The following PROCR variants were observed in gnomAD, a reference collection of about 807,000 sequenced individuals.
PROCR encodes the protein endothelial protein C receptor.
In PROCR, 22 loss-of-function variants were observed where a neutral mutation model predicts 24.2. That is an observed-to-expected ratio of 0.91 (90% CI 0.65 to 1.30). The LOEUF (loss-of-function observed/expected upper bound fraction) is 1.30. Among genes scored for constraint, PROCR ranks in the 50% most tolerant of loss-of-function variants. The pLI is 0.00. For missense variants in PROCR, 288 were observed against 307.7 expected (o/e 0.94, Z 0.48); for synonymous variants, 137 against 139.2 (o/e 0.98, Z 0.11).
intron 1 of PROCR, among the ~76,000 whole-genome samples, chr20:35,214,424 C>T (rs924146656): frequency 6.6e-5 from 10 of 152,124 alleles, no homozygotes; most frequent in Admixed American, 5.2e-4. Flanking sequence ...CGGTGGCTCA[C>T]GCCTGTAATC....
chr20:35,177,911 C>A (rs2086037029), downstream of PROCR, among the ~76,000 whole-genome samples: 1 of 152,134 alleles, frequency 6.6e-6, no homozygotes, highest in South Asian at 2.1e-4. Flanking sequence ...GTTCTGTCTA[C>A]TTTTTTTCAA....
chr20:35,174,888 T>C lies in PROCR; in HGVS notation c.257T>C (p.Leu86Pro), dbSNP rs866390428. 2 of 1,611,346 alleles carry C rather than the reference T, an allele frequency of 1.2e-6. No individual in the cohort carries two copies. The highest frequency in any genetic ancestry group is 2.2e-5 in the East Asian group (1 of 44,800). The change falls in exon 2 of 4, where the codon CTG becomes CCG. Residue 86 changes from leucine (L) to proline (P), a missense_variant. Physicochemically the swap from Leu to Pro is moderately conservative, Grantham distance 98. Transcript: ENST00000216968. The part of the protein sequence containing the change: ...PESWARTQSG[L>P]QSYLLQFHGL... ...AGCTGGGCGCGCACGCAGAGTGGCC[T>C]GCAGTCCTACCTGCTCCAGTTCCAC...
chr20:35,171,475 ATCT>A (rs2085950026), upstream of PROCR, among the ~76,000 whole-genome samples: 1 of 152,148 alleles, frequency 6.6e-6, no homozygotes, highest in South Asian at 2.1e-4. Flanking sequence ...GTAACCAATC[ATCT>A]TCTGAGATTT....
chr20:35,214,582 G>A (rs113604152), intron 1 of PROCR, among the ~76,000 whole-genome samples: 3,863 of 151,444 alleles, frequency 0.026, 155 homozygotes, highest in African/African-American at 0.082. Flanking sequence ...CCAGCTACTC[G>A]GGAGGCTGAG....
chr20:35,180,074 T>C (rs2146150773), downstream of PROCR, among the ~76,000 whole-genome samples: 1 of 152,124 alleles, frequency 6.6e-6, no homozygotes, highest in South Asian at 2.1e-4. Context: ...GGCGAAACCC[T>C]GTCTCTACTA....
Position 35,176,342 on chromosome 20 carries a change from A to C in PROCR, c.497A>C (p.Gln166Pro). The change falls in exon 3 of 4, where the codon CAG (glutamine) becomes CCG (proline). Residue 166 changes from glutamine (Q) to proline (P), a missense_variant. Coordinates refer to ENST00000216968, the MANE Select transcript of PROCR (RefSeq NM_006404.5). Reference protein sequence around the residue: ...VTSGVVTFTLQQLNAYNRTRY... With the variant: ...VTSGVVTFTLPQLNAYNRTRY... ...TCCGGAGTGGTCACCTTCACCCTGC[A>C]GCAGCTCAATGCCTACAACCGCACT... is the stretch of plus-strand genomic sequence containing the variant. The C allele has an allele frequency of 1.9e-6, 3 of 1,614,248 alleles. No individual in the cohort carries two copies. The highest frequency in any genetic ancestry group is 2.5e-6 in the Non-Finnish European group (3 of 1,180,030).
chr20:35,206,460 G>A (rs1488094171), intron 1 of PROCR, among the ~76,000 whole-genome samples: 1 of 119,952 alleles, frequency 8.3e-6, no homozygotes, highest in African/African-American at 3.2e-5. Context: ...GGGCAACAGT[G>A]TGAGACTCTA....
In PROCR at chr20:35,204,124, G is replaced by T. The variant is rs552046907; in HGVS notation, c.95-11769G>T. ...CTTCAGACCCTCCAGATATTAAAAG[G>T]ATAATAAGAGAATATTACAAACAAC... On this transcript the variant is annotated intron_variant, in intron 1 of 1. Coordinates refer to the PROCR transcript ENST00000634509. 3.9e-5 allele frequency among the ~76,000 whole-genome samples: 6 copies of T among 152,166 alleles called. No homozygotes were observed. The East Asian group carries it at 1.2e-3, about 29-fold the overall frequency.
rs1163003662 is a variant in PROCR at position 35,175,880 on chromosome 20, T to A, written c.323-288T>A. Among the ~76,000 whole-genome samples the A allele has an allele frequency of 2.6e-5, 4 of 151,356 alleles. No individual in the cohort carries two copies. The East Asian group carries it at 7.8e-4, about 30-fold the overall frequency. On this transcript the variant is annotated intron_variant, in intron 2 of 3. Coordinates refer to ENST00000216968, the MANE Select transcript of PROCR (RefSeq NM_006404.5). ...GATTACAGGCGTGAGCTGCCGCCCCTGCCCCAGCCTCACCCCCTGTTTTTT... is the reference window on the plus strand; with the variant it reads ...GATTACAGGCGTGAGCTGCCGCCCCAGCCCCAGCCTCACCCCCTGTTTTTT...
intron 1 of PROCR, chr20:35,202,864 T>C (rs939333810): frequency 6.6e-6 from 1 of 152,180 alleles, no homozygotes; most frequent in Non-Finnish European, 1.5e-5. Flanking sequence ...AACGGACATT[T>C]ATAAAACACT....
At chr20:35,176,672 G>A (rs758639715) in intron 3 of PROCR, 26 bp from the exon 4 acceptor site, 3 of 1,590,412 alleles carry the variant, frequency 1.9e-6, no homozygotes, top group Non-Finnish European at 2.6e-6. Flanking sequence ...CCTATTCTTC[G>A]GGCTAACTCT....
In PROCR at chr20:35,177,269, CGAA is replaced by C; in HGVS notation, c.*461_*463del. The stretch of plus-strand genomic sequence containing the variant: ...TATAATAGGGTAGAAAGAAGTAACA[CGAA>C]GAAGTGGTGGAAATGTAAAATCCAA... On this transcript the variant is annotated 3_prime_UTR_variant, in exon 4 of 4. Coordinates refer to ENST00000216968, the MANE Select transcript of PROCR (RefSeq NM_006404.5). 4 of 1,005,744 alleles carry C rather than the reference CGAA, an allele frequency of 4.0e-6. No individual in the cohort carries two copies. The highest frequency in any genetic ancestry group is 4.8e-6 in the Non-Finnish European group (4 of 840,936). The allele number at this position is 1,005,744 out of a possible 1,614,324, so 62.3% of individuals were successfully genotyped here. A position where few individuals can be genotyped will look rare whatever the true frequency, so the allele number is the denominator to read the frequency against.
At chr20:35,177,968 C>T (rs1415775), downstream of PROCR, among the ~76,000 whole-genome samples, 30,728 of 152,028 alleles carry the variant, frequency 0.2, 3,633 homozygotes, top group Non-Finnish European at 0.27. Context: ...GAAATGCTGG[C>T]TTCCTTAGAA....
At chr20:35,173,695 A>G (rs2069944) in intron 1 of PROCR, among the ~76,000 whole-genome samples, 93,561 of 151,726 alleles carry the variant, frequency 0.62, 30,048 homozygotes, top group African/African-American at 0.8. Flanking sequence ...CTCCCAAAGT[A>G]CTGGGATTAC....
At chr20:35,195,978 C>T (rs750412164) in intron 1 of PROCR, among the ~76,000 whole-genome samples, 4 of 150,816 alleles carry the variant, frequency 2.7e-5, no homozygotes, top group Admixed American at 1.3e-4. Context: ...CTCAGGAGTT[C>T]GAGACCAGCC....
chr20:35,174,686 C>T lies in PROCR; in HGVS notation c.71-16C>T, dbSNP rs2069948. ...CCTCCCACGCCGGCCCAGGCTGAAG[C>T]TGACTCTGCCCGCAGGCCTCCAAAG... On this transcript the variant is annotated splice_polypyrimidine_tract_variant and intron_variant, in intron 1 of 3. Coordinates refer to ENST00000216968, the MANE Select transcript of PROCR (RefSeq NM_006404.5). The T allele has an allele frequency of 0.57, 919,435 of 1,613,150 alleles. 267,694 individuals are homozygous for T. Among genetic ancestry groups the T allele is most frequent in the African/African-American group, 0.81 (60,525 of 74,890 alleles).
At position 35,176,336 on chromosome 20, in the gene PROCR, C is replaced by A; in HGVS notation, c.491C>A (p.Thr164Asn). The change falls in exon 3 of 4, where the codon ACC becomes AAC. Residue 164 changes from threonine to asparagine, a missense_variant. Transcript: ENST00000216968. ...TQVTSGVVTFTLQQLNAYNRT... is the reference protein window; with the variant it reads ...TQVTSGVVTFNLQQLNAYNRT... Reference sequence around the variant, plus strand: ...GTCACCTCCGGAGTGGTCACCTTCACCCTGCAGCAGCTCAATGCCTACAAC... The same window carrying A: ...GTCACCTCCGGAGTGGTCACCTTCAACCTGCAGCAGCTCAATGCCTACAAC... 6.2e-7 allele frequency: 1 copy of A among 1,614,242 alleles called. No homozygotes were observed. Among genetic ancestry groups the A allele is most frequent in the Non-Finnish European group, 8.5e-7 (1 of 1,180,040 alleles).
chr20:35,208,330 C>T (rs2060349592), intron 1 of PROCR, among the ~76,000 whole-genome samples: 1 of 152,206 alleles, frequency 6.6e-6, no homozygotes, highest in South Asian at 2.1e-4. Flanking sequence ...AGCCAAAATC[C>T]TCTTGCTCTG....
chr20:35,190,409 C>G (rs900838395), intron 1 of PROCR, among the ~76,000 whole-genome samples: 5 of 152,230 alleles, frequency 3.3e-5, no homozygotes, highest in Admixed American at 3.3e-4. Context: ...CTTGATCTCT[C>G]TCAACATCAA....
Sources: allele counts gnomAD v4.1 joint callset (sites outside exome capture counted in the v4.1 genomes callset), GRCh38; gene constraint gnomAD v4.1.1; transcripts MANE v1.5; gene names NCBI Gene and HGNC (gene_info 2026-07-23, HGNC 2026-07-21).